INPPL1: variants seen among roughly 807,000 people sequenced by gnomAD.
INPPL1 encodes phosphatidylinositol 3,4,5-trisphosphate 5-phosphatase 2.
INPPL1 carries 91 observed loss-of-function variants against 139.3 expected under a neutral mutation model. The observed-to-expected ratio is 0.65, with a 90% confidence interval of 0.55 to 0.78. The LOEUF is 0.78. Among genes scored for constraint, INPPL1 ranks in the 30% least tolerant of loss-of-function variants. INPPL1 has a pLI of 0.00. For synonymous variants in INPPL1, 719 were observed against 686.6 expected, an observed-to-expected ratio of 1.05 and a Z score of -0.74; for missense variants, 1,411 against 1,665.6, an observed-to-expected ratio of 0.85 and a Z score of 2.66.
chr11:72,232,112 C>A, intron 13 of INPPL1, 128 bp from the exon 14 acceptor site: 1 of 750,080 alleles, frequency 1.3e-6, no homozygotes, highest in Non-Finnish European at 2.3e-6. Context: ...GTGCAGGGGC[C>A]TGCCCATGTC....
chr11:72,225,343 C>A (rs1198190944), intron 1 of INPPL1, 177 bp downstream of exon 1: 5 of 985,296 alleles, frequency 5.1e-6, no homozygotes, highest in Non-Finnish European at 6.0e-6. Context: ...AGGGGCACTT[C>A]CTGCTGTGTG....
upstream of INPPL1, among the ~76,000 whole-genome samples, chr11:72,224,574 G>C (rs1948611820): frequency 6.6e-6 from 1 of 150,584 alleles, no homozygotes; most frequent in Non-Finnish European, 1.5e-5. Flanking sequence ...ATCTCCTCGG[G>C]TGAATGATGG....
intron 11 of INPPL1, 23 bp from the exon 12 acceptor site, chr11:72,230,970 C>CGCCT: frequency 6.2e-7 from 1 of 1,611,814 alleles, no homozygotes; most frequent in South Asian, 1.1e-5. Flanking sequence ...CCTCCAGACC[C>CGCCT]ACCTCACCCC....
At position 72,238,272 on chromosome 11, in the gene INPPL1, CGAGGAGGACTTG is replaced by C; in HGVS notation, c.3704_3715del (p.Asp1235_Glu1238del). ...CTGTTTTACTCCACAGTGACATCAC[CGAGGAGGACTTG>C]GAGGAGGCTGGGGTGCAGGACCCGG... is the stretch of plus-strand genomic sequence containing the variant. On this transcript the variant is annotated inframe_deletion, in exon 28 of 28. Transcript: ENST00000298229. 6.2e-7 allele frequency: 1 copy of C among 1,612,760 alleles called. No homozygotes were observed. Among genetic ancestry groups the C allele is most frequent in the South Asian group, 1.1e-5 (1 of 90,972 alleles).
rs748983656 is a variant in INPPL1, at chr11:72,235,761, A to C, written c.2738+8A>C. On this transcript the variant is annotated splice_region_variant and intron_variant, in intron 24 of 27. Transcript: ENST00000298229. The surrounding 1 kb of genome is among the most constrained non-coding windows in gnomAD (Gnocchi z 4.9). The stretch of plus-strand genomic sequence containing the variant: ...AGGGAGCCAGGAGCCCAGGTGAGCT[A>C]GGGCTGTGTTGAATGTCATATGAAA... 6.2e-7 allele frequency: 1 copy of C among 1,613,994 alleles called. No homozygotes were observed. The highest frequency in any genetic ancestry group is 1.1e-5 in the South Asian group (1 of 91,082).
intron 5 of INPPL1, 44 bp downstream of exon 5, chr11:72,229,274 A>G (rs767387423): frequency 5.8e-6 from 9 of 1,548,418 alleles, no homozygotes; most frequent in South Asian, 2.4e-5. Flanking sequence ...CTTACCTCTG[A>G]CCTGTCCTCA....
rs1167275819 is a variant in INPPL1, at chr11:72,226,721, C to CT, written c.183-1468dup. ...AAGTCTGAGGCCCAGTAGGGGGAGA[C>CT]TAAGGAGGGACAGACTAGGCAGATG... is the stretch of plus-strand genomic sequence containing the variant. On this transcript the variant is annotated intron_variant, in intron 1 of 27. Transcript: ENST00000298229. 3.3e-5 allele frequency among the ~76,000 whole-genome samples: 5 copies of CT among 152,242 alleles called. No individual in the cohort carries two copies. In the East Asian group the frequency reaches 9.7e-4, roughly 29 times the overall value.
rs765943583 is a variant in INPPL1 at position 72,237,462 on chromosome 11, C to G, written c.3218C>G (p.Pro1073Arg). ...IFLPPSLDPLPGPVVRGRGGA... is the reference protein window; with the variant it reads ...IFLPPSLDPLRGPVVRGRGGA... The stretch of plus-strand genomic sequence containing the variant: ...CTGCCCCCCAGCCTGGATCCTTTAC[C>G]AGGGCCAGTGGTCCGGGGCCGTGGT... The change falls in exon 26 of 28, where the codon CCA becomes CGA. Residue 1073 changes from proline (P) to arginine (R), a missense_variant. Coordinates refer to ENST00000298229, the MANE Select transcript of INPPL1 (RefSeq NM_001567.4). 1.2e-6 allele frequency: 2 copies of G among 1,610,196 alleles called. No individual in the cohort carries two copies. The highest frequency in any genetic ancestry group is 1.7e-6 in the Non-Finnish European group (2 of 1,177,568).
In INPPL1 at chr11:72,228,269, C is replaced by T; in HGVS notation, c.246+16C>T. The T allele has an allele frequency of 6.2e-7, 1 of 1,614,084 alleles. No homozygotes were observed. The highest frequency in any genetic ancestry group is 8.5e-7 in the Non-Finnish European group (1 of 1,179,970). On this transcript the variant is annotated intron_variant, in intron 2 of 27. Coordinates refer to ENST00000298229, the MANE Select transcript of INPPL1 (RefSeq NM_001567.4). This position sits in a 1 kb window ranked among gnomAD's most constrained non-coding sequence, Gnocchi z 5.0. ...GGCTGTGCAGGTAGGAGCTTGGGCC[C>T]CTGACCCCTGACCTTGATCCAGCCT...
In INPPL1 at chr11:72,232,888, A is replaced by T. The variant is rs1948875257; in HGVS notation, c.1865A>T (p.Tyr622Phe). ...CCTCCACCCCAGGAGATCCTGAACT[A>T]CATCAGCAGGAAAGAGTTTGAGCCC... Reference protein sequence around the residue: ...LDMDIQEILNYISRKEFEPLL... With the variant: ...LDMDIQEILNFISRKEFEPLL... Residue 622 changes from tyrosine to phenylalanine, a missense_variant, in exon 16 of 28, where the codon TAC (tyrosine) becomes TTC (phenylalanine). By Grantham distance (22) the Tyr-to-Phe change is conservative. Around this residue, in one of 5 missense-constraint regions of INPPL1, gnomAD observed 363 missense variants for 446.2 expected, o/e 0.81. Transcript: ENST00000298229. 1 of 1,613,934 alleles carries T rather than the reference A, an allele frequency of 6.2e-7. No individual in the cohort carries two copies. Among genetic ancestry groups the T allele is most frequent in the Non-Finnish European group, 8.5e-7 (1 of 1,179,996 alleles).
At position 72,235,722 on chromosome 11, in the gene INPPL1, C is replaced by T. The variant is rs778009547; in HGVS notation, c.2707C>T (p.Pro903Ser). ...KDEAGAKSKAPSVSRGSQEPR... is the reference protein window; with the variant it reads ...KDEAGAKSKASSVSRGSQEPR... Reference sequence around the variant, plus strand: ...TGAGGCAGGAGCAAAGAGCAAAGCCCCCTCTGTGTCCCGAGGGAGCCAGGA... The same window carrying T: ...TGAGGCAGGAGCAAAGAGCAAAGCCTCCTCTGTGTCCCGAGGGAGCCAGGA... The change falls in exon 24 of 28, where the codon CCC becomes TCC. Residue 903 changes from proline to serine, a missense_variant. This residue lies in a region of INPPL1 where 99 missense variants were observed against 171.6 expected (regional missense o/e 0.58). Transcript: ENST00000298229. The surrounding 1 kb of genome is among the most constrained non-coding windows in gnomAD (Gnocchi z 4.9). 1.5e-5 allele frequency: 25 copies of T among 1,614,018 alleles called. No homozygotes were observed. The Admixed American group carries it at 4.2e-4, about 27-fold the overall frequency.
intron 1 of INPPL1, among the ~76,000 whole-genome samples, chr11:72,227,436 TGACA>T (rs1240968236): frequency 6.6e-6 from 1 of 152,180 alleles, no homozygotes; most frequent in African/African-American, 2.4e-5. Flanking sequence ...GAACACCTGG[TGACA>T]GACACTCACC....
At position 72,238,494 on chromosome 11, in the gene INPPL1, T is replaced by C; in HGVS notation, c.*141T>C. On this transcript the variant is annotated 3_prime_UTR_variant, in exon 28 of 28. Coordinates refer to ENST00000298229, the MANE Select transcript of INPPL1 (RefSeq NM_001567.4). The stretch of plus-strand genomic sequence containing the variant: ...TTGGGGTGCCTATTTATTGGGGATC[T>C]GCATTCCCCGCTGCCCAATCATTTG... 4.7e-6 allele frequency: 3 copies of C among 634,330 alleles called. No homozygotes were observed. The highest frequency in any genetic ancestry group is 7.6e-6 in the Non-Finnish European group (3 of 393,174). 39.3% of individuals were successfully genotyped at this position (634,330 alleles called of 1,614,324 possible). A position where few individuals can be genotyped will look rare whatever the true frequency, so the allele number is the denominator to read the frequency against.
chr11:72,228,923 G>A lies in INPPL1; in HGVS notation c.518+76G>A. On this transcript the variant is annotated intron_variant, in intron 4 of 27. Coordinates refer to ENST00000298229, the MANE Select transcript of INPPL1 (RefSeq NM_001567.4). The surrounding 1 kb of genome is among the most constrained non-coding windows in gnomAD (Gnocchi z 5.0). Reference sequence around the variant, plus strand: ...ACTATTTCCCTACCAAAGGTGGGGAGGCCTTCTAAGACCCCACCAGGGACC... The same window carrying A: ...ACTATTTCCCTACCAAAGGTGGGGAAGCCTTCTAAGACCCCACCAGGGACC... 1 of 1,519,492 alleles carries A rather than the reference G, an allele frequency of 6.6e-7. No individual in the cohort carries two copies. Among genetic ancestry groups the A allele is most frequent in the Non-Finnish European group, 8.8e-7 (1 of 1,130,596 alleles). The allele number at this position is 1,519,492 out of a possible 1,614,324, so 94.1% of individuals were successfully genotyped here. A position where few individuals can be genotyped will look rare whatever the true frequency, so the allele number is the denominator to read the frequency against.
At position 72,233,164 on chromosome 11, in the gene INPPL1, G is replaced by A. The variant is rs777118176; in HGVS notation, c.2040+1G>A. 1 of 1,613,390 alleles carries A rather than the reference G, an allele frequency of 6.2e-7. No homozygotes were observed. The highest frequency in any genetic ancestry group is 1.3e-5 in the African/African-American group (1 of 75,020). ...CTGGCACAAGCAGAAGCCAACTGGG[G>A]TGAGCCAAGAAAACGGCATGGGCCT... On this transcript the variant is annotated splice_donor_variant, in intron 17 of 27. Transcript: ENST00000298229. LOFTEE classifies it high-confidence loss of function.
At chr11:72,236,850 T>G (rs1949001412) in intron 25 of INPPL1, among the ~76,000 whole-genome samples, 1 of 152,170 alleles carries the variant, frequency 6.6e-6, no homozygotes, top group Non-Finnish European at 1.5e-5. Context: ...TTCTGACCCA[T>G]TTAGCTTGGG....
intron 13 of INPPL1, 23 bp from the exon 14 acceptor site, chr11:72,232,217 T>G (rs1201834091): frequency 6.5e-7 from 1 of 1,540,026 alleles, no homozygotes; most frequent in Non-Finnish European, 8.8e-7. Flanking sequence ...ACCCAGGCCT[T>G]CCTCTCTTGC....
intron 25 of INPPL1, among the ~76,000 whole-genome samples, chr11:72,236,412 T>C (rs1948991410): frequency 6.6e-6 from 1 of 152,178 alleles, no homozygotes; most frequent in Non-Finnish European, 1.5e-5. Flanking sequence ...TAGATTCTTT[T>C]CTTAGACATT....
In INPPL1 at chr11:72,230,881, T is replaced by C. The variant is rs985072043; in HGVS notation, c.1283T>C (p.Ile428Thr). 3 of 1,613,950 alleles carry C rather than the reference T, an allele frequency of 1.9e-6. No individual in the cohort carries two copies. Among genetic ancestry groups the C allele is most frequent in the South Asian group, 1.1e-5 (1 of 91,068 alleles). The stretch of plus-strand genomic sequence containing the variant: ...GAGCCCGACATGATCTCAGTCTTCA[T>C]AGGCACCTGGAACATGGGTCAGGCC... Reference protein sequence around the residue: ...QDEPDMISVFIGTWNMGSVPP... With the variant: ...QDEPDMISVFTGTWNMGSVPP... Residue 428 changes from isoleucine to threonine, a missense_variant, in exon 11 of 28, where the codon ATA (isoleucine) becomes ACA (threonine). Physicochemically the swap from Ile to Thr is moderately conservative, Grantham distance 89 (BLOSUM62 -1). Coordinates refer to ENST00000298229, the MANE Select transcript of INPPL1 (RefSeq NM_001567.4).
Sources: gnomAD v4.1 joint callset for allele counts (sites outside exome capture counted in the v4.1 genomes callset) on GRCh38, gnomAD v4.1.1 for gene constraint, gnomAD v4.1.1 regional missense constraint, Gnocchi (gnomAD v3.1) non-coding constraint, MANE v1.5 for transcripts, NCBI Gene and HGNC (gene_info 2026-07-23, HGNC 2026-07-21) for gene names.